Variants in CNTN5 observed in about 807,000 individuals in gnomAD.
CNTN5 encodes the protein contactin 5, also known as contactin-5.
CNTN5 carries 77 observed loss-of-function variants against 129.1 expected under a neutral mutation model. The ratio of observed to expected loss-of-function variants is 0.60; its 90% CI spans 0.50 to 0.72. CNTN5 has a LOEUF of 0.72. Among genes scored for constraint, CNTN5 ranks in the 30% least tolerant of loss-of-function variants. CNTN5 has a pLI of 0.00. For missense variants in CNTN5, 1,478 were observed against 1,328.8 expected, an observed-to-expected ratio of 1.11 and a Z score of -1.75; for synonymous variants, 509 against 465.6, an observed-to-expected ratio of 1.09 and a Z score of -1.20.
intron 7 of CNTN5, among the ~76,000 whole-genome samples, chr11:99,934,829 C>T (rs907299320): frequency 4.7e-5 from 7 of 149,490 alleles, no homozygotes; most frequent in Non-Finnish European, 7.4e-5. Context: ...GAGCTGAGAT[C>T]GCACCACTGC....
At chr11:99,435,129 G>A (rs536873524) in intron 2 of CNTN5, among the ~76,000 whole-genome samples, 7 of 152,170 alleles carry the variant, frequency 4.6e-5, no homozygotes, top group Admixed American at 4.6e-4. Flanking sequence ...CTCCTGAAAT[G>A]TAATATCACA....
intron 3 of CNTN5, among the ~76,000 whole-genome samples, chr11:99,581,253 T>C (rs1214698453): frequency 7.4e-3 from 724 of 97,286 alleles, no homozygotes; most frequent in South Asian, 0.01. Flanking sequence ...TACTTCCAAC[T>C]ATGTGGTCAA....
chr11:100,232,962 A>C (rs191225991), intron 16 of CNTN5, among the ~76,000 whole-genome samples: 143 of 152,316 alleles, frequency 9.4e-4, no homozygotes, highest in African/African-American at 3.3e-3. Context: ...AACAATATGA[A>C]AAACGTACTA....
chr11:100,102,548 C>CA (rs144356777), intron 13 of CNTN5, among the ~76,000 whole-genome samples: 8,134 of 149,460 alleles, frequency 0.054, 315 homozygotes, highest in African/African-American at 0.12. Flanking sequence ...TTCCAGAGGT[C>CA]AAAAAAAAGA....
chr11:99,858,079 A>G (rs369066832), intron 6 of CNTN5, among the ~76,000 whole-genome samples: 39 of 152,218 alleles, frequency 2.6e-4, no homozygotes, highest in African/African-American at 9.1e-4. Context: ...TCAGGTTTTT[A>G]AAGATCTTGT....
chr11:99,170,301 G>T (rs948723486), intron 1 of CNTN5, among the ~76,000 whole-genome samples: 1 of 152,068 alleles, frequency 6.6e-6, no homozygotes, highest in African/African-American at 2.4e-5. Context: ...TCTTTCCCAA[G>T]GACGCACAGG....
chr11:99,393,475 T>A (rs927666487), intron 2 of CNTN5, among the ~76,000 whole-genome samples: 1 of 151,788 alleles, frequency 6.6e-6, no homozygotes, highest in Admixed American at 6.6e-5. Flanking sequence ...TGTTGTCACC[T>A]CTTTTTCAGA....
chr11:99,657,074 AAAAAAG>A (rs971085622), intron 3 of CNTN5, among the ~76,000 whole-genome samples: 10 of 151,872 alleles, frequency 6.6e-5, no homozygotes, highest in Non-Finnish European at 8.8e-5. Flanking sequence ...TAAGAAAAAA[AAAAAAG>A]AGAAAAAAAA....
rs538485956 is a variant in CNTN5, at chr11:99,617,593, A to T, written c.55+61324A>T. The stretch of plus-strand genomic sequence containing the variant: ...TTATTTTCCTCAATGACAACTTATG[A>T]AACATTTTAGAACTTGAGATCCCTA... On this transcript the variant is annotated intron_variant, in intron 3 of 24. Coordinates refer to ENST00000524871, the MANE Select transcript of CNTN5 (RefSeq NM_014361.4). 7.3e-4 allele frequency among the ~76,000 whole-genome samples: 111 copies of T among 152,308 alleles called. 2 individuals carry two copies. The highest frequency in any genetic ancestry group is 6.4e-3 in the South Asian group (31 of 4,826).
At position 99,675,560 on chromosome 11, in the gene CNTN5, C is replaced by G. The variant is rs187579697; in HGVS notation, c.55+119291C>G. Among the ~76,000 whole-genome samples the G allele has an allele frequency of 3.0e-3, 453 of 152,178 alleles. 2 individuals carry two copies. The highest frequency in any genetic ancestry group is 0.011 in the African/African-American group (437 of 41,528). ...ATTAGCTGGGCATGGTGGTGGGCAC[C>G]TGTAATCCCAGCCACTTGGGAGGCT... On this transcript the variant is annotated intron_variant, in intron 3 of 24. Coordinates refer to ENST00000524871, the MANE Select transcript of CNTN5 (RefSeq NM_014361.4).
At chr11:99,694,733 T>C (rs1300812400) in intron 3 of CNTN5, among the ~76,000 whole-genome samples, 1 of 152,038 alleles carries the variant, frequency 6.6e-6, no homozygotes, top group Non-Finnish European at 1.5e-5. Flanking sequence ...TATGTTCTCG[T>C]TGTTCAACTT....
intron 4 of CNTN5, among the ~76,000 whole-genome samples, chr11:99,829,976 T>C (rs1947086501): frequency 6.6e-6 from 1 of 152,206 alleles, no homozygotes; most frequent in African/African-American, 2.4e-5. Context: ...ATTGTTGTTA[T>C]GATTTTAGTA....
At chr11:99,835,735 TA>T (rs1323222449) in intron 4 of CNTN5, among the ~76,000 whole-genome samples, 1 of 152,164 alleles carries the variant, frequency 6.6e-6, no homozygotes, top group Non-Finnish European at 1.5e-5. Flanking sequence ...AAAGCTAATT[TA>T]AAAAACTGGA....
At chr11:100,327,885 CT>C (rs1951823459) in intron 21 of CNTN5, among the ~76,000 whole-genome samples, 3 of 152,070 alleles carry the variant, frequency 2.0e-5, no homozygotes. Context: ...GACAAAATTA[CT>C]CTCAAAGATG....
At chr11:99,097,375 A>T (rs1036840038) in intron 1 of CNTN5, among the ~76,000 whole-genome samples, 1 of 151,902 alleles carries the variant, frequency 6.6e-6, no homozygotes, top group Non-Finnish European at 1.5e-5. Context: ...ATTACCACTA[A>T]TTCAAAACCT....
chr11:100,195,500 A>T (rs1948615089), intron 15 of CNTN5, among the ~76,000 whole-genome samples: 1 of 151,866 alleles, frequency 6.6e-6, no homozygotes, highest in East Asian at 1.9e-4. Flanking sequence ...TGCCCCAGAG[A>T]GTGCCAAATG....
chr11:99,461,495 T>C (rs1304861352), intron 2 of CNTN5, among the ~76,000 whole-genome samples: 1 of 152,100 alleles, frequency 6.6e-6, no homozygotes, highest in African/African-American at 2.4e-5. Context: ...CTAAAAAAAA[T>C]CTGTAGAATA....
rs117070088 is a variant in CNTN5, at chr11:99,711,665, T to C, written c.56-107879T>C. ...CCCCTTGACAGGTGCTGGTGTGTGATGTCCCCTTCCCTGTGTCCATGTATT... is the reference window on the plus strand; with the variant it reads ...CCCCTTGACAGGTGCTGGTGTGTGACGTCCCCTTCCCTGTGTCCATGTATT... On this transcript the variant is annotated intron_variant, in intron 3 of 24. Coordinates refer to ENST00000524871, the MANE Select transcript of CNTN5 (RefSeq NM_014361.4). 6.3e-3 allele frequency among the ~76,000 whole-genome samples: 956 copies of C among 152,084 alleles called. 5 individuals carry two copies. Among genetic ancestry groups the C allele is most frequent in the Non-Finnish European group, 0.011 (740 of 67,940 alleles).
intron 13 of CNTN5, among the ~76,000 whole-genome samples, chr11:100,095,867 T>G (rs1354323148): frequency 6.6e-6 from 1 of 152,108 alleles, no homozygotes; most frequent in Non-Finnish European, 1.5e-5. Context: ...TCCATTATTT[T>G]TAGCAAAGGG....
Sources: gnomAD v4.1 joint callset for allele counts (sites outside exome capture counted in the v4.1 genomes callset) on GRCh38, gnomAD v4.1.1 for gene constraint, MANE v1.5 for transcripts, NCBI Gene and HGNC (gene_info 2026-07-23, HGNC 2026-07-21) for gene names.